The following SLIT3 variants were observed in gnomAD, a reference collection of about 807,000 sequenced individuals.
SLIT3 encodes the protein slit homolog 3 protein.
Under a neutral mutation model 184.0 loss-of-function variants are expected in SLIT3, and 68 were observed. That is an observed-to-expected ratio of 0.37 (90% CI 0.30 to 0.45). SLIT3 has a LOEUF of 0.45. SLIT3 is among the 20% of genes least tolerant of loss of function. The pLI, the probability that SLIT3 is intolerant of heterozygous loss-of-function variation, is 1.00. For synonymous variants in SLIT3, 831 were observed against 828.6 expected, an observed-to-expected ratio of 1.00 and a Z score of -0.05; for missense variants, 1,707 against 2,026.0, an observed-to-expected ratio of 0.84 and a Z score of 3.02.
chr5:169,199,989 C>T (rs1400605972), intron 3 of SLIT3, among the ~76,000 whole-genome samples: 1 of 152,204 alleles, frequency 6.6e-6, no homozygotes, highest in East Asian at 1.9e-4. Flanking sequence ...AATAGCCCTG[C>T]TGATCCGGGA....
chr5:168,839,909 T>C (rs1758184489), intron 6 of SLIT3, among the ~76,000 whole-genome samples: 1 of 151,768 alleles, frequency 6.6e-6, no homozygotes, highest in African/African-American at 2.4e-5. Context: ...GCAAGTCTCC[T>C]AGCCAGGGCC....
chr5:169,133,948 C>T (rs1002420017), intron 4 of SLIT3, among the ~76,000 whole-genome samples: 3 of 152,166 alleles, frequency 2.0e-5, no homozygotes, highest in South Asian at 2.1e-4. Context: ...TGTACTAGAG[C>T]ACAAGCTGTT....
At chr5:169,204,547 A>G (rs12652594) in intron 3 of SLIT3, among the ~76,000 whole-genome samples, 43,034 of 152,006 alleles carry the variant, frequency 0.28, 6,875 homozygotes, top group East Asian at 0.69. Context: ...CAGGGGAGAG[A>G]GGAGAAAAAT....
intron 1 of SLIT3, among the ~76,000 whole-genome samples, chr5:169,272,084 G>A (rs192021354): frequency 6.6e-6 from 1 of 152,348 alleles, no homozygotes; most frequent in Non-Finnish European, 1.5e-5. Flanking sequence ...GCTATAGGAG[G>A]CCCATGGGTA....
chr5:168,936,778 G>A (rs140304231), intron 4 of SLIT3, among the ~76,000 whole-genome samples: 1 of 152,088 alleles, frequency 6.6e-6, no homozygotes, highest in African/African-American at 2.4e-5. Context: ...GAAGGGAGGG[G>A]CACTGGAATC....
At chr5:169,158,759 G>A (rs914718125) in intron 4 of SLIT3, among the ~76,000 whole-genome samples, 1 of 152,146 alleles carries the variant, frequency 6.6e-6, no homozygotes, top group African/African-American at 2.4e-5. Context: ...CCAGTAGAAT[G>A]TGATAAGTTA....
intron 5 of SLIT3, among the ~76,000 whole-genome samples, chr5:168,856,808 C>CGT (rs1554149491): frequency 3.0e-4 from 32 of 105,530 alleles, no homozygotes; most frequent in East Asian, 3.2e-4. Flanking sequence ...TGTGTGTGTG[C>CGT]GCGCGCGCGC....
At chr5:169,106,956 C>A (rs1290918495) in intron 4 of SLIT3, among the ~76,000 whole-genome samples, 1 of 152,224 alleles carries the variant, frequency 6.6e-6, no homozygotes, top group African/African-American at 2.4e-5. Context: ...CATCTAGGGA[C>A]AAGCTGCAGG....
intron 1 of SLIT3, chr5:169,263,749 CCTGAACTT>C (rs781250950): frequency 2.6e-5 from 13 of 496,308 alleles, no homozygotes; most frequent in Admixed American, 4.8e-5. Flanking sequence ...TTCTCCCTTC[CCTGAACTT>C]CTGAACTTCT....
chr5:168,980,445 T>C (rs1385550864), intron 4 of SLIT3, among the ~76,000 whole-genome samples: 1 of 152,208 alleles, frequency 6.6e-6, no homozygotes, highest in Non-Finnish European at 1.5e-5. Flanking sequence ...TTCATCCTTT[T>C]GCTATACAAG....
At position 168,985,033 on chromosome 5, in the gene SLIT3, T is replaced by C. The variant is rs576584653; in HGVS notation, c.414-101697A>G. Among the ~76,000 whole-genome samples the C allele has an allele frequency of 4.8e-4, 73 of 152,274 alleles. No homozygotes were observed. The South Asian group carries it at 0.015, about 31-fold the overall frequency. On this transcript the variant is annotated intron_variant, in intron 4 of 35. Transcript: ENST00000519560. ...CAACAAGAAACCGGTAAGGGAGTCATCTAAAATTTTCAGGCCATTTCTTAG... is the reference window on the plus strand; with the variant it reads ...CAACAAGAAACCGGTAAGGGAGTCACCTAAAATTTTCAGGCCATTTCTTAG...
At chr5:168,789,420 G>T in intron 11 of SLIT3, 140 bp downstream of exon 11, 2 of 607,898 alleles carry the variant, frequency 3.3e-6, no homozygotes, top group Non-Finnish European at 5.9e-6. Context: ...AGAAATATTT[G>T]TTTCTTTTAC....
intron 5 of SLIT3, among the ~76,000 whole-genome samples, chr5:168,882,714 A>T (rs937537659): frequency 2.2e-4 from 33 of 151,626 alleles, no homozygotes; most frequent in Admixed American, 5.9e-4. Flanking sequence ...TAAAAAGTTT[A>T]AAAAAAAATC....
intron 3 of SLIT3, among the ~76,000 whole-genome samples, chr5:169,213,251 TA>T (rs1561743021): frequency 2.1e-5 from 3 of 142,844 alleles, no homozygotes; most frequent in African/African-American, 7.9e-5. Flanking sequence ...GAATACAACT[TA>T]CAAGGGTTGT....
chr5:169,261,160 G>T (rs1309507241), intron 1 of SLIT3, among the ~76,000 whole-genome samples: 4 of 152,264 alleles, frequency 2.6e-5, no homozygotes, highest in Non-Finnish European at 4.4e-5. Flanking sequence ...GCTTACAGAA[G>T]AGTATGGAGG....
At chr5:168,707,933 G>A (rs753278894) in intron 26 of SLIT3, 43 bp downstream of exon 26, 3 of 1,612,158 alleles carry the variant, frequency 1.9e-6, no homozygotes, top group Middle Eastern at 1.7e-4. Flanking sequence ...GCTGAAGGAG[G>A]AGCCTGAGGC....
intron 4 of SLIT3, among the ~76,000 whole-genome samples, chr5:169,072,575 C>G (rs1214904110): frequency 6.6e-6 from 1 of 152,204 alleles, no homozygotes; most frequent in Non-Finnish European, 1.5e-5. Flanking sequence ...ACAGAGCCAC[C>G]ATGCAAGTAC....
chr5:168,787,421 C>A (rs1338464584), intron 11 of SLIT3, among the ~76,000 whole-genome samples: 1 of 152,192 alleles, frequency 6.6e-6, no homozygotes, highest in African/African-American at 2.4e-5. Context: ...TCTCCTCAGG[C>A]ATCTGGGTGT....
chr5:168,974,460 C>A (rs1754683447), intron 4 of SLIT3, among the ~76,000 whole-genome samples: 2 of 152,100 alleles, frequency 1.3e-5, no homozygotes, highest in African/African-American at 2.4e-5. Flanking sequence ...TTGAAGAGAC[C>A]AGTTTCTAGA....
Sources: allele counts gnomAD v4.1 joint callset (sites outside exome capture counted in the v4.1 genomes callset), GRCh38; gene constraint gnomAD v4.1.1; transcripts MANE v1.5; gene names NCBI Gene and HGNC (gene_info 2026-07-23, HGNC 2026-07-21).